Variants in UBE2F observed in about 807,000 individuals in gnomAD.
UBE2F encodes NEDD8-conjugating enzyme UBE2F.
In UBE2F, 5 loss-of-function variants were observed where a neutral mutation model predicts 29.6. The observed-to-expected ratio is 0.17, with a 90% CI of 0.09 to 0.36. The LOEUF (loss-of-function observed/expected upper bound fraction) is 0.36. Ranked by LOEUF, UBE2F falls within the 10% of genes least tolerant of loss-of-function variation. UBE2F has a pLI of 1.00. For missense variants in UBE2F, 141 were observed against 228.5 expected (o/e 0.62, Z 2.47); for synonymous variants, 66 against 81.8 (o/e 0.81, Z 1.04).
At chr2:237,984,164 C>A (rs773672841) in intron 2 of UBE2F, among the ~76,000 whole-genome samples, 1 of 152,122 alleles carries the variant, frequency 6.6e-6, no homozygotes, top group Non-Finnish European at 1.5e-5. Context: ...CCATCTTTGA[C>A]CCCCTCCACC....
At chr2:237,992,951 A>G (rs574905303) in intron 3 of UBE2F, among the ~76,000 whole-genome samples, 40 of 152,240 alleles carry the variant, frequency 2.6e-4, no homozygotes, top group Non-Finnish European at 5.3e-4. Flanking sequence ...AAGACAAAAT[A>G]TCATAGTAAA....
chr2:238,041,002 C>T (rs1010826884), intron 9 of UBE2F, among the ~76,000 whole-genome samples: 2 of 152,136 alleles, frequency 1.3e-5, no homozygotes, highest in African/African-American at 4.8e-5. Context: ...CTCCACTTTC[C>T]CCATCTGGAA....
At chr2:237,979,305 G>A in intron 2 of UBE2F, among the ~76,000 whole-genome samples, 1 of 152,236 alleles carries the variant, frequency 6.6e-6, no homozygotes, top group Non-Finnish European at 1.5e-5. Context: ...GCTTCCCAGT[G>A]TCTAGGATGC....
chr2:238,006,454 T>G (rs1340522478), intron 4 of UBE2F, among the ~76,000 whole-genome samples: 1 of 152,224 alleles, frequency 6.6e-6, no homozygotes, highest in Non-Finnish European at 1.5e-5. Flanking sequence ...TGAACATGGT[T>G]TATATCTCCA....
chr2:238,041,488 A>G lies in UBE2F; in HGVS notation c.*150A>G. ...TGACCATGTTGCCCTGAAGAAGACC[A>G]TCTTCATGACTGCTCATTGTAGATG... On this transcript the variant is annotated 3_prime_UTR_variant, in exon 10 of 10. Coordinates refer to ENST00000272930, the MANE Select transcript of UBE2F (RefSeq NM_080678.3). 2 of 676,214 alleles carry G rather than the reference A, an allele frequency of 3.0e-6. No individual in the cohort carries two copies. Among genetic ancestry groups the G allele is most frequent in the Non-Finnish European group, 5.2e-6 (2 of 381,814 alleles). The allele number at this position is 676,214 out of a possible 1,614,324, so 41.9% of individuals were successfully genotyped here. A position where few individuals can be genotyped will look rare whatever the true frequency, so the allele number is the denominator to read the frequency against.
chr2:237,984,329 G>T (rs2063437635), intron 2 of UBE2F, among the ~76,000 whole-genome samples: 1 of 152,168 alleles, frequency 6.6e-6, no homozygotes, highest in African/African-American at 2.4e-5. Context: ...AGAAACTTCT[G>T]TTCAGAAATC....
chr2:238,019,852 G>T (rs1275922568), intron 5 of UBE2F, among the ~76,000 whole-genome samples: 1 of 151,862 alleles, frequency 6.6e-6, no homozygotes, highest in Admixed American at 6.6e-5. Flanking sequence ...TAGAGACGGG[G>T]TTTCACCATG....
At chr2:237,991,597 T>TTTC (rs1553552752) in intron 3 of UBE2F, among the ~76,000 whole-genome samples, 1 of 96,946 alleles carries the variant, frequency 1.0e-5, no homozygotes, top group Non-Finnish European at 1.9e-5. Flanking sequence ...CTTTCTTTTC[T>TTTC]TTTCTTTCTT....
chr2:238,027,036 C>G (rs1441551724), intron 6 of UBE2F, among the ~76,000 whole-genome samples: 1 of 152,228 alleles, frequency 6.6e-6, no homozygotes, highest in East Asian at 1.9e-4. Context: ...TACTCTACTT[C>G]CCTGTCTTGT....
At chr2:237,979,144 C>T (rs2063336131) in intron 2 of UBE2F, among the ~76,000 whole-genome samples, 1 of 152,178 alleles carries the variant, frequency 6.6e-6, no homozygotes, top group Non-Finnish European at 1.5e-5. Context: ...ATTTCAGGGT[C>T]AAGTCTGGAG....
chr2:238,024,913 A>G (rs943681242), intron 5 of UBE2F, among the ~76,000 whole-genome samples: 2 of 152,222 alleles, frequency 1.3e-5, no homozygotes, highest in African/African-American at 2.4e-5. Context: ...TTTCAGCCAT[A>G]GTAACTTGTA....
intron 4 of UBE2F, among the ~76,000 whole-genome samples, chr2:238,000,735 C>T (rs1393546004): frequency 5.3e-5 from 8 of 152,120 alleles, no homozygotes; most frequent in Non-Finnish European, 7.4e-5. Context: ...ATAAAACCAC[C>T]GCCATTAAGT....
intron 4 of UBE2F, among the ~76,000 whole-genome samples, chr2:237,995,112 CCTTTTCCCTT>C (rs2063665040): frequency 6.6e-6 from 1 of 152,148 alleles, no homozygotes; most frequent in Non-Finnish European, 1.5e-5. Flanking sequence ...GGGTTCCAAT[CCTTTTCCCTT>C]ACGTAGGAAT....
At chr2:238,037,773 T>G (rs1315708474) in intron 9 of UBE2F, among the ~76,000 whole-genome samples, 1 of 152,146 alleles carries the variant, frequency 6.6e-6, no homozygotes, top group Non-Finnish European at 1.5e-5. Context: ...ACTGGGCTAA[T>G]TTTTGTATTC....
rs116336260 is a variant in UBE2F at position 238,035,983 on chromosome 2, C to T, written c.507+43C>T. On this transcript the variant is annotated intron_variant, in intron 9 of 9. Transcript: ENST00000272930. ...TTATTCTAGGTTGATGTACTTGTCA[C>T]GAACACGATTACTACTGTCTCTTGA... 5.0e-4 allele frequency: 753 copies of T among 1,515,756 alleles called. 5 individuals carry two copies. In the African/African-American group the frequency reaches 8.6e-3, roughly 17 times the overall value. 93.9% of individuals were successfully genotyped at this position (1,515,756 alleles called of 1,614,324 possible). A position where few individuals can be genotyped will look rare whatever the true frequency, so the allele number is the denominator to read the frequency against.
chr2:238,018,159 A>G (rs1047715271), intron 5 of UBE2F, among the ~76,000 whole-genome samples: 11 of 152,166 alleles, frequency 7.2e-5, no homozygotes, highest in African/African-American at 2.7e-4. Flanking sequence ...GCGACGGAGC[A>G]CTGCACCATG....
chr2:237,991,845 G>A (rs1165371498), intron 3 of UBE2F, among the ~76,000 whole-genome samples: 1 of 148,380 alleles, frequency 6.7e-6, no homozygotes, highest in African/African-American at 2.5e-5. Context: ...TAGTTTTATT[G>A]CTTTGTAATC....
intron 4 of UBE2F, among the ~76,000 whole-genome samples, chr2:237,996,720 C>T (rs2063700246): frequency 6.6e-6 from 1 of 152,118 alleles, no homozygotes; most frequent in Non-Finnish European, 1.5e-5. Flanking sequence ...AGGTGATCTG[C>T]CAGCCTCGGC....
chr2:237,975,526 C>T (rs1440899597), intron 2 of UBE2F, among the ~76,000 whole-genome samples: 2 of 152,162 alleles, frequency 1.3e-5, no homozygotes, highest in African/African-American at 2.4e-5. Flanking sequence ...CAGGCATTTA[C>T]GTGTCCTGAA....
Sources: allele counts gnomAD v4.1 joint callset (sites outside exome capture counted in the v4.1 genomes callset), GRCh38; gene constraint gnomAD v4.1.1; transcripts MANE v1.5; gene names NCBI Gene and HGNC (gene_info 2026-07-23, HGNC 2026-07-21).